The following NRXN3 variants were observed in gnomAD, a reference collection of about 807,000 sequenced individuals.
NRXN3 encodes the protein neurexin III.
Under a neutral mutation model 137.6 loss-of-function variants are expected in NRXN3, and 32 were observed. The ratio of observed to expected loss-of-function variants is 0.23; its 90% CI spans 0.18 to 0.31. The LOEUF (loss-of-function observed/expected upper bound fraction) is 0.31. NRXN3 is among the 10% of genes least tolerant of loss of function. NRXN3 has a pLI of 1.00. For synonymous variants in NRXN3, 798 were observed against 784.5 expected (o/e 1.02, Z -0.29); for missense variants, 1,574 against 2,062.5 (o/e 0.76, Z 4.59).
rs532519245 is a variant in NRXN3 at position 79,288,137 on chromosome 14, A to G, written c.3263-179084A>G. Among the ~76,000 whole-genome samples, 103 of 152,332 alleles carry G rather than the reference A, an allele frequency of 6.8e-4. 1 individual carries two copies. The highest frequency in any genetic ancestry group is 2.2e-3 in the African/African-American group (90 of 41,566). The stretch of plus-strand genomic sequence containing the variant: ...ATAACTTATGCCAAAGCCATAAGCC[A>G]GGTTTTCTCTTTTCCCCTCAGACAG... On this transcript the variant is annotated intron_variant, in intron 15 of 20. Coordinates refer to ENST00000335750, the MANE Select transcript of NRXN3 (RefSeq NM_001330195.2).
chr14:79,412,603 AC>A (rs1289877186), intron 15 of NRXN3, among the ~76,000 whole-genome samples: 1 of 141,606 alleles, frequency 7.1e-6, no homozygotes, highest in Non-Finnish European at 1.6e-5. Context: ...ACATGATGAA[AC>A]CCCATCTACT....
intron 4 of NRXN3, among the ~76,000 whole-genome samples, chr14:78,385,934 C>A (rs1189499554): frequency 1.3e-5 from 2 of 152,074 alleles, no homozygotes; most frequent in Non-Finnish European, 2.9e-5. Flanking sequence ...TACCCTTTGA[C>A]TCCTGTGAAA....
rs116258960 is a variant in NRXN3 at position 78,613,709 on chromosome 14, G to A, written c.758-31411G>A. Among the ~76,000 whole-genome samples, 585 of 149,896 alleles carry A rather than the reference G, an allele frequency of 3.9e-3. 5 individuals are homozygous for A. Among genetic ancestry groups the A allele is most frequent in the African/African-American group, 0.013 (536 of 40,770 alleles). On this transcript the variant is annotated intron_variant, in intron 4 of 20. Transcript: ENST00000335750. ...AAATTGGTGGAGAACTTTGGAAGTTGTCAAATCTTCATTGAGTGAGAAAAA... is the reference window on the plus strand; with the variant it reads ...AAATTGGTGGAGAACTTTGGAAGTTATCAAATCTTCATTGAGTGAGAAAAA...
At chr14:79,401,889 T>G (rs1411722193) in intron 15 of NRXN3, among the ~76,000 whole-genome samples, 1 of 151,748 alleles carries the variant, frequency 6.6e-6, no homozygotes, top group Non-Finnish European at 1.5e-5. Flanking sequence ...ACTCTTGTAA[T>G]AATCACATCA....
At chr14:79,525,101 A>G (rs2097106175) in intron 16 of NRXN3, among the ~76,000 whole-genome samples, 1 of 152,154 alleles carries the variant, frequency 6.6e-6, no homozygotes, top group Non-Finnish European at 1.5e-5. Context: ...TTTAGGTCTT[A>G]TGACTAGCTT....
At chr14:78,236,230 A>G (rs919321337) in intron 1 of NRXN3, among the ~76,000 whole-genome samples, 1 of 152,222 alleles carries the variant, frequency 6.6e-6, no homozygotes, top group African/African-American at 2.4e-5. Context: ...AGATCAAGAA[A>G]CAGGATTCCT....
intron 16 of NRXN3, among the ~76,000 whole-genome samples, chr14:79,540,462 A>G (rs140560396): frequency 6.6e-6 from 1 of 152,216 alleles, no homozygotes; most frequent in African/African-American, 2.4e-5. Context: ...CTATTTTGAA[A>G]TACAACAATA....
chr14:79,451,141 C>G (rs942936984), intron 15 of NRXN3, among the ~76,000 whole-genome samples: 2 of 145,252 alleles, frequency 1.4e-5, no homozygotes, highest in Non-Finnish European at 3.0e-5. Context: ...CTTTATGTGT[C>G]AGGAGGGGCT....
chr14:79,836,652 G>C (rs934670336), intron 20 of NRXN3, among the ~76,000 whole-genome samples: 1 of 152,120 alleles, frequency 6.6e-6, no homozygotes, highest in African/African-American at 2.4e-5. Flanking sequence ...ATCTTAGATT[G>C]AGGGTCCCAG....
chr14:79,840,842 C>T (rs1166871130), intron 20 of NRXN3, among the ~76,000 whole-genome samples: 1 of 152,034 alleles, frequency 6.6e-6, no homozygotes, highest in South Asian at 2.1e-4. Context: ...ATTTTTGTTT[C>T]CTTTCTCTGT....
intron 4 of NRXN3, among the ~76,000 whole-genome samples, chr14:78,361,456 A>G (rs2085102383): frequency 6.6e-6 from 1 of 152,214 alleles, no homozygotes; most frequent in Admixed American, 6.5e-5. Context: ...ATAGTCTGCA[A>G]GGGGCCAAGA....
chr14:79,779,409 G>T (rs4903878), intron 19 of NRXN3, among the ~76,000 whole-genome samples: 2 of 151,836 alleles, frequency 1.3e-5, no homozygotes, highest in Non-Finnish European at 2.9e-5. Context: ...CACCATGCCC[G>T]GCCAATCAAT....
At chr14:79,295,922 A>T (rs1443989694) in intron 15 of NRXN3, among the ~76,000 whole-genome samples, 1 of 152,158 alleles carries the variant, frequency 6.6e-6, no homozygotes, top group African/African-American at 2.4e-5. Flanking sequence ...AATAACAAAA[A>T]TTATTAAACA....
intron 6 of NRXN3, among the ~76,000 whole-genome samples, chr14:78,680,243 A>G (rs1174875949): frequency 1.3e-5 from 2 of 152,074 alleles, no homozygotes; most frequent in African/African-American, 2.4e-5. Flanking sequence ...GAGGGTGGGA[A>G]GAGGGAGAGG....
chr14:79,508,390 A>ATTTTTTTTTTTTTGTTTTTTTTTTT (rs2096898901), intron 16 of NRXN3, among the ~76,000 whole-genome samples: 1 of 48,240 alleles, frequency 2.1e-5, no homozygotes, highest in Non-Finnish European at 4.0e-5. Context: ...ACAATAACTG[A>ATTTTTTTTTTTTTGTTTTTTTTTTT]TTTTTTTTTT....
At chr14:78,949,396 T>C (rs2099382003) in intron 10 of NRXN3, among the ~76,000 whole-genome samples, 1 of 152,170 alleles carries the variant, frequency 6.6e-6, no homozygotes, top group South Asian at 2.1e-4. Context: ...AGTCTGCAGC[T>C]CTCTTCAGCT....
intron 4 of NRXN3, among the ~76,000 whole-genome samples, chr14:78,406,084 A>G (rs2092465719): frequency 6.6e-6 from 1 of 152,210 alleles, no homozygotes; most frequent in South Asian, 2.1e-4. Context: ...TTCAGGAAAG[A>G]CTTTTACAAG....
chr14:78,187,570 G>A (rs562477727), intron 1 of NRXN3, among the ~76,000 whole-genome samples: 1 of 152,206 alleles, frequency 6.6e-6, no homozygotes, highest in African/African-American at 2.4e-5. Context: ...ACATCACTCT[G>A]GTTCTGGTAT....
At chr14:78,998,599 A>ATTT (rs113146494) in intron 15 of NRXN3, among the ~76,000 whole-genome samples, 2 of 140,022 alleles carry the variant, frequency 1.4e-5, no homozygotes, top group Non-Finnish European at 1.6e-5. Context: ...GCTACATTAA[A>ATTT]TTTTTTTTTT....
Sources: allele counts gnomAD v4.1 joint callset (sites outside exome capture counted in the v4.1 genomes callset), GRCh38; gene constraint gnomAD v4.1.1; transcripts MANE v1.5; gene names NCBI Gene and HGNC (gene_info 2026-07-23, HGNC 2026-07-21).